The following CCSER1 variants were observed in gnomAD, a reference collection of about 807,000 sequenced individuals.
The protein encoded by CCSER1 is coiled-coil serine rich protein 1.
A neutral mutation model predicts 82.0 loss-of-function variants in CCSER1; 41 were observed. That is an observed-to-expected ratio of 0.50 (90% CI 0.39 to 0.65). CCSER1 has a LOEUF of 0.65. Among genes scored for constraint, CCSER1 ranks in the 30% least tolerant of loss-of-function variants. CCSER1 has a pLI of 0.00. For synonymous variants in CCSER1, 414 were observed against 383.9 expected (o/e 1.08, Z -0.92); for missense variants, 1,119 against 1,064.2 (o/e 1.05, Z -0.72).
chr4:90,908,061 A>G (rs1332309937), intron 8 of CCSER1, among the ~76,000 whole-genome samples: 1 of 152,096 alleles, frequency 6.6e-6, no homozygotes, highest in East Asian at 1.9e-4. Flanking sequence ...TGGAGTCAAT[A>G]TGGTACTAAA....
chr4:91,121,174 C>G (rs1259493108), intron 10 of CCSER1, among the ~76,000 whole-genome samples: 3 of 151,238 alleles, frequency 2.0e-5, no homozygotes, highest in African/African-American at 7.3e-5. Context: ...CCCCTGCTCC[C>G]CATTGGAGAT....
intron 9 of CCSER1, among the ~76,000 whole-genome samples, chr4:91,067,167 AAG>A (rs1720910614): frequency 6.6e-6 from 1 of 151,090 alleles, no homozygotes. Context: ...ACGTCTCAAA[AAG>A]AAAAAAAAAA....
chr4:90,171,106 C>T (rs2153377134), intron 1 of CCSER1, among the ~76,000 whole-genome samples: 1 of 150,936 alleles, frequency 6.6e-6, no homozygotes, highest in African/African-American at 2.4e-5. Context: ...CTCATGTACC[C>T]CATAAATATA....
At chr4:90,560,229 G>T (rs1229714623) in intron 5 of CCSER1, among the ~76,000 whole-genome samples, 4 of 152,006 alleles carry the variant, frequency 2.6e-5, no homozygotes, top group African/African-American at 4.8e-5. Flanking sequence ...AGCGGCCAAG[G>T]GGGTATCCCT....
intron 5 of CCSER1, among the ~76,000 whole-genome samples, chr4:90,534,478 TG>T (rs1560676092): frequency 1.2e-4 from 18 of 149,098 alleles, no homozygotes; most frequent in African/African-American, 3.6e-4. Flanking sequence ...TGTGTGTGTG[TG>T]TGTGTGTGTG....
intron 5 of CCSER1, among the ~76,000 whole-genome samples, chr4:90,471,829 T>A (rs1404948050): frequency 7.2e-5 from 11 of 151,864 alleles, no homozygotes; most frequent in African/African-American, 2.7e-4. Context: ...ACAAAAAAAT[T>A]AGCCAGGCAT....
intron 5 of CCSER1, among the ~76,000 whole-genome samples, chr4:90,572,561 C>G (rs548805794): frequency 8.6e-4 from 130 of 151,152 alleles, no homozygotes; most frequent in Non-Finnish European, 4.9e-4. Flanking sequence ...AATAACATAT[C>G]TTTGAGCGCA....
At chr4:90,705,501 G>A (rs949779724) in intron 6 of CCSER1, among the ~76,000 whole-genome samples, 8 of 152,208 alleles carry the variant, frequency 5.3e-5, no homozygotes, top group Admixed American at 1.3e-4. Context: ...CTTCAAAGGT[G>A]TCAGACAGGG....
chr4:90,327,953 A>G (rs1428339908), intron 3 of CCSER1, among the ~76,000 whole-genome samples: 1 of 152,152 alleles, frequency 6.6e-6, no homozygotes, highest in African/African-American at 2.4e-5. Flanking sequence ...CACAGTGCGA[A>G]ATCTCCTGTG....
Position 90,769,636 on chromosome 4 carries a change from A to T in CCSER1, c.2010+45645A>T, listed in dbSNP as rs114542418. 3.0e-3 allele frequency among the ~76,000 whole-genome samples: 458 copies of T among 152,206 alleles called. 1 individual carries two copies. The highest frequency in any genetic ancestry group is 0.01 in the African/African-American group (427 of 41,524). ...TCTGTATCATTATTATCTGTTGTGT[A>T]TTTGGGAAACCAGTATCTACCAGTT... On this transcript the variant is annotated intron_variant, in intron 7 of 10. Transcript: ENST00000509176.
At chr4:90,586,490 T>C (rs1782035663) in intron 5 of CCSER1, among the ~76,000 whole-genome samples, 1 of 152,098 alleles carries the variant, frequency 6.6e-6, no homozygotes, top group Non-Finnish European at 1.5e-5. Flanking sequence ...AATGCGAGAA[T>C]CAGAAGATGC....
At chr4:90,235,201 C>T in intron 1 of CCSER1, 1 of 152,854 alleles carries the variant, frequency 6.5e-6, no homozygotes, top group Non-Finnish European at 1.5e-5. Flanking sequence ...GCCAATTCTG[C>T]TGATGCCTTG....
intron 5 of CCSER1, among the ~76,000 whole-genome samples, chr4:90,540,790 A>G (rs1395822714): frequency 1.3e-5 from 2 of 152,082 alleles, no homozygotes; most frequent in African/African-American, 2.4e-5. Context: ...TTGCATAACT[A>G]ATAAGAGCTT....
At chr4:91,090,697 G>A (rs1723853463) in intron 10 of CCSER1, among the ~76,000 whole-genome samples, 1 of 152,116 alleles carries the variant, frequency 6.6e-6, no homozygotes, top group African/African-American at 2.4e-5. Context: ...ACCATTAAGT[G>A]ACTTAGACAC....
At chr4:91,023,338 C>T (rs1253563685) in intron 9 of CCSER1, among the ~76,000 whole-genome samples, 1 of 152,096 alleles carries the variant, frequency 6.6e-6, no homozygotes. Flanking sequence ...AAAAAGAGCC[C>T]GCATTGCCAA....
chr4:91,368,560 A>G (rs538358086), intron 10 of CCSER1, among the ~76,000 whole-genome samples: 18 of 152,266 alleles, frequency 1.2e-4, no homozygotes, highest in Non-Finnish European at 2.2e-4. Context: ...GATATGTTTT[A>G]TGATAAATAT....
intron 10 of CCSER1, among the ~76,000 whole-genome samples, chr4:91,254,408 A>G (rs1346510300): frequency 6.6e-6 from 1 of 152,168 alleles, no homozygotes; most frequent in Non-Finnish European, 1.5e-5. Context: ...GCATGGATCA[A>G]TCTAGACAAC....
intron 9 of CCSER1, among the ~76,000 whole-genome samples, chr4:91,009,325 G>C (rs573211532): frequency 6.6e-6 from 1 of 152,202 alleles, no homozygotes; most frequent in African/African-American, 2.4e-5. Context: ...CCCTCTCCCA[G>C]TGCTTTCAGG....
intron 10 of CCSER1, among the ~76,000 whole-genome samples, chr4:91,168,381 G>A (rs1459543822): frequency 2.0e-5 from 3 of 150,476 alleles, no homozygotes; most frequent in African/African-American, 7.4e-5. Context: ...TCTGGGATGT[G>A]AGGAGTGCCT....
Sources: allele counts gnomAD v4.1 joint callset (sites outside exome capture counted in the v4.1 genomes callset), GRCh38; gene constraint gnomAD v4.1.1; transcripts MANE v1.5; gene names NCBI Gene and HGNC (gene_info 2026-07-23, HGNC 2026-07-21).